TUT7: variants seen among roughly 807,000 people sequenced by gnomAD.
TUT7 encodes terminal uridylyltransferase 7.
A neutral mutation model predicts 165.9 loss-of-function variants in TUT7; 33 were observed. The observed-to-expected ratio is 0.20, with a 90% CI of 0.15 to 0.27. TUT7 has a LOEUF of 0.27. TUT7 is among the 10% of genes least tolerant of loss of function. The pLI is 1.00. For synonymous variants in TUT7, 552 were observed against 608.1 expected (o/e 0.91, Z 1.36); for missense variants, 1,338 against 1,762.3 (o/e 0.76, Z 4.31).
intron 2 of TUT7, among the ~76,000 whole-genome samples, chr9:86,348,630 G>A (rs1456030895): frequency 1.3e-5 from 2 of 152,054 alleles, no homozygotes; most frequent in East Asian, 3.9e-4. Context: ...ACTCACTCCT[G>A]TGGTCCCAGC....
chr9:86,344,892 T>C, intron 5 of TUT7, 85 bp downstream of exon 5: 1 of 1,284,562 alleles, frequency 7.8e-7, no homozygotes, highest in Non-Finnish European at 1.1e-6. Context: ...TAAATAAATT[T>C]TTATTTGATG....
intron 17 of TUT7, among the ~76,000 whole-genome samples, chr9:86,314,015 T>C (rs914099856): frequency 6.6e-6 from 1 of 152,248 alleles, no homozygotes; most frequent in African/African-American, 2.4e-5. Flanking sequence ...TGCTAGGCTT[T>C]GCACTTTACG....
intron 16 of TUT7, among the ~76,000 whole-genome samples, chr9:86,317,536 G>C (rs1463408975): frequency 3.9e-5 from 6 of 152,106 alleles, no homozygotes; most frequent in African/African-American, 1.4e-4. Flanking sequence ...TATGGACCTA[G>C]GGCTTCCAAA....
intron 10 of TUT7, among the ~76,000 whole-genome samples, chr9:86,334,802 T>C (rs979208875): frequency 2.6e-5 from 4 of 152,168 alleles, no homozygotes; most frequent in African/African-American, 9.7e-5. Flanking sequence ...GTACACCTTA[T>C]CTTCTGGTGG....
intron 17 of TUT7, among the ~76,000 whole-genome samples, chr9:86,315,067 T>C (rs979370449): frequency 1.3e-5 from 2 of 152,208 alleles, no homozygotes; most frequent in Non-Finnish European, 2.9e-5. Context: ...GTTTGGAAGA[T>C]TACCTTACCT....
At position 86,345,517 on chromosome 9, in the gene TUT7, T is replaced by G. The variant is rs148837282; in HGVS notation, c.819+152A>C. The G allele has an allele frequency of 2.6e-3, 1,630 of 618,382 alleles. 24 individuals carry two copies. In the African/African-American group the frequency reaches 0.028, roughly 11 times the overall value. 38.3% of individuals were successfully genotyped at this position (618,382 alleles called of 1,614,324 possible). A position where few individuals can be genotyped will look rare whatever the true frequency, so the allele number is the denominator to read the frequency against. On this transcript the variant is annotated intron_variant, in intron 4 of 26. Transcript: ENST00000375963. ...ACAAGATTAACCAGTAAAATACATC[T>G]GACCAGTATTATGTATTTTGGCTCA...
intron 4 of TUT7, among the ~76,000 whole-genome samples, 192 bp from the exon 5 acceptor site, chr9:86,345,346 G>T (rs1392762269): frequency 2.0e-5 from 3 of 152,128 alleles, no homozygotes; most frequent in African/African-American, 7.2e-5. Flanking sequence ...GGTAACAGAG[G>T]ATAGGTGGGC....
chr9:86,337,809 T>C (rs530659563), intron 9 of TUT7, among the ~76,000 whole-genome samples: 2 of 152,358 alleles, frequency 1.3e-5, no homozygotes, highest in Admixed American at 6.5e-5. Context: ...TCCTATTTTA[T>C]TTTTTGATAT....
At chr9:86,289,251 T>G (rs1825735874) in intron 26 of TUT7, among the ~76,000 whole-genome samples, 1 of 152,184 alleles carries the variant, frequency 6.6e-6, no homozygotes, top group African/African-American at 2.4e-5. Context: ...GATTACTGAT[T>G]AAAACCAATA....
At chr9:86,350,445 TA>T (rs1832174739) in intron 2 of TUT7, among the ~76,000 whole-genome samples, 1 of 152,208 alleles carries the variant, frequency 6.6e-6, no homozygotes, top group African/African-American at 2.4e-5. Flanking sequence ...CAGAAACACT[TA>T]AATATACACA....
rs754679699 is a variant in TUT7, at chr9:86,323,008, A to T, written c.2742T>A (p.His914Gln). ...GTTCCACTAGGAGAGCTCTTTCTAC[A>T]TGTTTTCCACATTCTTTCACGTCTT... ...KYEDVKECGK[H>Q]VERALLVELN... The change falls in exon 13 of 27, where the codon CAT becomes CAA. Residue 914 changes from histidine to glutamine, a missense_variant. This residue lies in a region of TUT7 where 425 missense variants were observed against 474.9 expected (regional missense o/e 0.89). Transcript: ENST00000375963. The T allele has an allele frequency of 3.1e-6, 5 of 1,614,046 alleles. No homozygotes were observed. The South Asian group carries it at 4.4e-5, about 14-fold the overall frequency.
At chr9:86,297,800 C>A (rs1826470407) in intron 26 of TUT7, among the ~76,000 whole-genome samples, 1 of 151,816 alleles carries the variant, frequency 6.6e-6, no homozygotes, top group Non-Finnish European at 1.5e-5. Context: ...TCTCATTTCA[C>A]TTTGAGGGAG....
chr9:86,308,364 A>G lies in TUT7; in HGVS notation c.3838+65T>C, dbSNP rs184973046. The G allele has an allele frequency of 4.9e-4, 704 of 1,430,032 alleles. 11 individuals are homozygous for G. In the East Asian group the frequency reaches 0.014, roughly 28 times the overall value. The allele number at this position is 1,430,032 out of a possible 1,614,324, so 88.6% of individuals were successfully genotyped here. A position where few individuals can be genotyped will look rare whatever the true frequency, so the allele number is the denominator to read the frequency against. On this transcript the variant is annotated intron_variant, in intron 22 of 26. Coordinates refer to ENST00000375963, the MANE Select transcript of TUT7 (RefSeq NM_024617.4). ...AGCTGGAAGAGCTCTGCAAGGAGGA[A>G]GAACAATGTCCTTATAGTTCAAGCT...
chr9:86,325,595 A>C, intron 11 of TUT7, 81 bp from the exon 12 acceptor site: 1 of 1,362,212 alleles, frequency 7.3e-7, no homozygotes, highest in Non-Finnish European at 1.0e-6. Context: ...TAAGCATCAA[A>C]TTAAAAAAAT....
chr9:86,345,218 T>G (rs575445961), intron 4 of TUT7, 64 bp from the exon 5 acceptor site: 2 of 1,477,006 alleles, frequency 1.4e-6, no homozygotes, highest in East Asian at 4.6e-5. Context: ...CTACCACTCA[T>G]GAAGACAACA....
At chr9:86,312,592 A>G (rs1828269934) in intron 17 of TUT7, among the ~76,000 whole-genome samples, 1 of 152,150 alleles carries the variant, frequency 6.6e-6, no homozygotes, top group African/African-American at 2.4e-5. Context: ...CTGCCCGGCC[A>G]CCATCCCATC....
At chr9:86,302,744 G>A (rs965225066) in intron 25 of TUT7, among the ~76,000 whole-genome samples, 4 of 151,450 alleles carry the variant, frequency 2.6e-5, no homozygotes, top group Admixed American at 2.0e-4. Flanking sequence ...AGCCTCCCAA[G>A]TAGCTGGGAC....
At position 86,288,225 on chromosome 9, in the gene TUT7, T is replaced by A. The variant is rs1177105432; in HGVS notation, c.*452A>T. The A allele has an allele frequency of 6.5e-6, 1 of 153,302 alleles. No homozygotes were observed. The highest frequency in any genetic ancestry group is 1.5e-5 in the Non-Finnish European group (1 of 68,814). 9.5% of individuals were successfully genotyped at this position (153,302 alleles called of 1,614,324 possible). ...GTACAGCAGTAGCAGTTCATACATATCTGATATGCTTTCACACCAGGATTC... is the reference window on the plus strand; with the variant it reads ...GTACAGCAGTAGCAGTTCATACATAACTGATATGCTTTCACACCAGGATTC... On this transcript the variant is annotated 3_prime_UTR_variant, in exon 27 of 27. Coordinates refer to ENST00000375963, the MANE Select transcript of TUT7 (RefSeq NM_024617.4).
At chr9:86,321,496 A>G (rs1587932776) in intron 14 of TUT7, among the ~76,000 whole-genome samples, 1 of 152,154 alleles carries the variant, frequency 6.6e-6, no homozygotes, top group Non-Finnish European at 1.5e-5. Flanking sequence ...TCGGAGACTC[A>G]GTTGGATGAA....
Sources: allele counts gnomAD v4.1 joint callset (sites outside exome capture counted in the v4.1 genomes callset), GRCh38; gene constraint gnomAD v4.1.1; regional missense constraint gnomAD v4.1.1; transcripts MANE v1.5; gene names NCBI Gene and HGNC (gene_info 2026-07-23, HGNC 2026-07-21).